The following PDE3B variants were observed in gnomAD, a reference collection of about 807,000 sequenced individuals.
The protein encoded by PDE3B is cGMP-inhibited 3',5'-cyclic phosphodiesterase 3B.
In PDE3B, 66 loss-of-function variants were observed where a neutral mutation model predicts 116.8. The ratio of observed to expected loss-of-function variants is 0.56; its 90% CI spans 0.46 to 0.69. The LOEUF is 0.69. PDE3B is among the 30% of genes least tolerant of loss of function. PDE3B has a pLI of 0.00. For missense variants in PDE3B, 1,384 were observed against 1,368.1 expected (o/e 1.01, Z -0.18); for synonymous variants, 595 against 533.6 (o/e 1.12, Z -1.59).
chr11:14,845,188 T>C (rs1247313924), intron 12 of PDE3B, among the ~76,000 whole-genome samples: 1 of 151,768 alleles, frequency 6.6e-6, no homozygotes, highest in Admixed American at 6.6e-5. Flanking sequence ...CACGAAAATC[T>C]GCTGTTCTGC....
intron 1 of PDE3B, among the ~76,000 whole-genome samples, chr11:14,726,947 A>G (rs942341899): frequency 1.3e-5 from 2 of 152,174 alleles, no homozygotes; most frequent in Non-Finnish European, 2.9e-5. Flanking sequence ...GTATTCCCCC[A>G]GAGTTTTCTG....
intron 1 of PDE3B, among the ~76,000 whole-genome samples, chr11:14,730,843 C>T (rs762365297): frequency 6.6e-6 from 1 of 152,164 alleles, no homozygotes; most frequent in African/African-American, 2.4e-5. Flanking sequence ...GATGTGACCT[C>T]TGTCACTCTG....
intron 14 of PDE3B, among the ~76,000 whole-genome samples, chr11:14,864,117 A>G (rs1485605382): frequency 6.6e-6 from 1 of 152,220 alleles, no homozygotes; most frequent in Non-Finnish European, 1.5e-5. Flanking sequence ...AGATTTACCC[A>G]GCAAATGGAA....
At chr11:14,882,258 C>A in the PDE3B span, among the ~76,000 whole-genome samples, 1 of 152,048 alleles carries the variant, frequency 6.6e-6, no homozygotes, top group Non-Finnish European at 1.5e-5. Flanking sequence ...GTAGGAAAGA[C>A]AGACAAAACA....
intron 1 of PDE3B, among the ~76,000 whole-genome samples, chr11:14,721,654 C>G (rs1856089236): frequency 7.3e-6 from 1 of 136,172 alleles, no homozygotes; most frequent in Non-Finnish European, 1.6e-5. Context: ...AACCATCATT[C>G]TCAGTAAACT....
At chr11:14,658,675 G>A (rs1023131612) in intron 1 of PDE3B, among the ~76,000 whole-genome samples, 2 of 152,144 alleles carry the variant, frequency 1.3e-5, no homozygotes, top group African/African-American at 4.8e-5. Flanking sequence ...TGTAACTATA[G>A]TGTCTATATA....
At chr11:14,855,457 G>A (rs782042015) in intron 12 of PDE3B, among the ~76,000 whole-genome samples, 15 of 152,138 alleles carry the variant, frequency 9.9e-5, no homozygotes, top group African/African-American at 2.7e-4. Context: ...ATACTGGAAT[G>A]AAGTCTCTAA....
At position 14,786,481 on chromosome 11, in the gene PDE3B, G is replaced by A; in HGVS notation, c.1074G>A (p.Glu358=). 3 of 1,612,288 alleles carry A rather than the reference G, an allele frequency of 1.9e-6. No individual in the cohort carries two copies. The highest frequency in any genetic ancestry group is 2.5e-6 in the Non-Finnish European group (3 of 1,178,682). ...GNGVDLSVLN[E]ARNMVSDLLT... ...GAGTTGATCTTTCAGTGCTAAATGAGGCTCGCAATATGGTGTCAGATCTTC... is the reference window on the plus strand; with the variant it reads ...GAGTTGATCTTTCAGTGCTAAATGAAGCTCGCAATATGGTGTCAGATCTTC... Residue 358 remains glutamate, a synonymous_variant, in exon 3 of 16, where the codon GAG becomes GAA. Coordinates refer to ENST00000282096, the MANE Select transcript of PDE3B (RefSeq NM_000922.4).
At chr11:14,695,842 G>T (rs901733989) in intron 1 of PDE3B, among the ~76,000 whole-genome samples, 1 of 152,076 alleles carries the variant, frequency 6.6e-6, no homozygotes, top group African/African-American at 2.4e-5. Context: ...CAAAGGACAT[G>T]ATCTCATTCC....
intron 5 of PDE3B, among the ~76,000 whole-genome samples, chr11:14,809,532 C>T (rs968814570): frequency 6.6e-6 from 1 of 152,124 alleles, no homozygotes; most frequent in Non-Finnish European, 1.5e-5. Flanking sequence ...ATGGACAGAT[C>T]TATAGATAGA....
the PDE3B span, chr11:14,879,276 G>A: frequency 6.8e-6 from 11 of 1,613,112 alleles, no homozygotes; most frequent in South Asian, 3.3e-5. Flanking sequence ...GAATAACCAC[G>A]TACAACTGCA....
intron 1 of PDE3B, among the ~76,000 whole-genome samples, chr11:14,718,123 A>T (rs1403226459): frequency 7.0e-6 from 1 of 142,562 alleles, no homozygotes; most frequent in South Asian, 2.4e-4. Flanking sequence ...TTGCAATCCT[A>T]GTCTCTGATA....
the PDE3B span, chr11:14,886,822 A>C: frequency 6.6e-6 from 1 of 152,318 alleles, no homozygotes; most frequent in Admixed American, 6.5e-5. Flanking sequence ...ACACTACTTC[A>C]GAAGAAAACA....
At chr11:14,789,467 G>A (rs984624005) in intron 4 of PDE3B, among the ~76,000 whole-genome samples, 3 of 151,952 alleles carry the variant, frequency 2.0e-5, no homozygotes, top group African/African-American at 7.2e-5. Flanking sequence ...AAATGTGCTG[G>A]ATCCCTGAGA....
chr11:14,671,284 A>C (rs1178860584), intron 1 of PDE3B, among the ~76,000 whole-genome samples: 1 of 152,140 alleles, frequency 6.6e-6, no homozygotes, highest in Non-Finnish European at 1.5e-5. Context: ...GTAGGAAGGG[A>C]AAGCCTCTCT....
At chr11:14,773,981 C>T (rs1034544478) in intron 2 of PDE3B, 3 of 152,268 alleles carry the variant, frequency 2.0e-5, no homozygotes, top group African/African-American at 7.2e-5. Context: ...CTCCCAGCCC[C>T]TTGGGACTAT....
At chr11:14,853,273 G>T (rs1489569848) in intron 12 of PDE3B, among the ~76,000 whole-genome samples, 3 of 151,946 alleles carry the variant, frequency 2.0e-5, no homozygotes, top group Admixed American at 6.6e-5. Flanking sequence ...TATGTACTTT[G>T]TTTTTTATAT....
intron 14 of PDE3B, among the ~76,000 whole-genome samples, chr11:14,865,031 A>G (rs1301405943): frequency 2.6e-5 from 4 of 152,164 alleles, no homozygotes; most frequent in Admixed American, 6.5e-5. Context: ...AAACCCTTCA[A>G]AAAAATCAAT....
At chr11:14,867,414 A>AT in intron 14 of PDE3B, 92 bp from the exon 15 acceptor site, 1 of 1,079,400 alleles carries the variant, frequency 9.3e-7, no homozygotes, top group Non-Finnish European at 1.3e-6. Flanking sequence ...TAGATTGTTT[A>AT]TTTTAAAAAA....
Sources: allele counts gnomAD v4.1 joint callset (sites outside exome capture counted in the v4.1 genomes callset), GRCh38; gene constraint gnomAD v4.1.1; transcripts MANE v1.5; gene names NCBI Gene and HGNC (gene_info 2026-07-23, HGNC 2026-07-21).